Variants in SCARA5 observed in about 807,000 individuals in gnomAD.
SCARA5 encodes the protein scavenger receptor class A member 5.
SCARA5 carries 45 observed loss-of-function variants against 46.3 expected under a neutral mutation model. That is an observed-to-expected ratio of 0.97 (90% CI 0.76 to 1.24). The LOEUF is 1.24. Among genes scored for constraint, SCARA5 ranks in the 50% most tolerant of loss-of-function variants. The pLI, the probability that SCARA5 is intolerant of heterozygous loss-of-function variation, is 0.00. For synonymous variants in SCARA5, 333 were observed against 306.5 expected, an observed-to-expected ratio of 1.09 and a Z score of -0.90; for missense variants, 680 against 689.0, an observed-to-expected ratio of 0.99 and a Z score of 0.15.
intron 2 of SCARA5, among the ~76,000 whole-genome samples, chr8:27,978,193 A>ATT (rs34584740): frequency 0.027 from 3,711 of 137,920 alleles, 133 homozygotes; most frequent in African/African-American, 0.081. Context: ...CATCCGGCTA[A>ATT]TTTTTTTTTT....
intron 8 of SCARA5, among the ~76,000 whole-genome samples, chr8:27,876,905 G>A (rs1270692543): frequency 6.6e-6 from 1 of 152,118 alleles, no homozygotes; most frequent in Admixed American, 6.5e-5. Flanking sequence ...AGTGGGGTTG[G>A]GGCACCAGTG....
chr8:27,988,625 A>G (rs1278045803), intron 1 of SCARA5, among the ~76,000 whole-genome samples: 1 of 152,206 alleles, frequency 6.6e-6, no homozygotes, highest in Non-Finnish European at 1.5e-5. Context: ...TACATTCCTT[A>G]TGTAATGAGA....
intron 8 of SCARA5, among the ~76,000 whole-genome samples, chr8:27,876,783 G>C (rs1472708557): frequency 6.6e-6 from 1 of 152,076 alleles, no homozygotes; most frequent in African/African-American, 2.4e-5. Context: ...CGGGGTGTTG[G>C]GGGTGCTAGG....
chr8:27,927,733 G>T (rs1279680973), intron 3 of SCARA5, among the ~76,000 whole-genome samples: 2 of 151,936 alleles, frequency 1.3e-5, no homozygotes, highest in African/African-American at 4.8e-5. Flanking sequence ...GGATTAGTAG[G>T]TCAAAAGGCA....
intron 7 of SCARA5, among the ~76,000 whole-genome samples, chr8:27,898,019 GTC>G (rs1452443130): frequency 6.6e-6 from 1 of 152,212 alleles, no homozygotes; most frequent in Non-Finnish European, 1.5e-5. Flanking sequence ...CCCAGCTCTG[GTC>G]TCTCTCCCTC....
intron 3 of SCARA5, among the ~76,000 whole-genome samples, chr8:27,927,138 C>T (rs1332788212): frequency 6.6e-6 from 1 of 152,202 alleles, no homozygotes; most frequent in East Asian, 1.9e-4. Context: ...TCTTCCCCAG[C>T]TCTCCTAGCC....
At chr8:27,873,018 T>C (rs60701351) in intron 8 of SCARA5, among the ~76,000 whole-genome samples, 1,965 of 152,312 alleles carry the variant, frequency 0.013, 41 homozygotes, top group African/African-American at 0.043. Context: ...CTCTCTCTGC[T>C]CCTTGCACCA....
chr8:27,990,910 TC>T (rs1808778343), intron 1 of SCARA5, among the ~76,000 whole-genome samples: 1 of 152,250 alleles, frequency 6.6e-6, no homozygotes, highest in Admixed American at 6.5e-5. Flanking sequence ...CTCTTGGCAA[TC>T]ATGATTTACT....
chr8:27,968,130 G>A (rs549079185), intron 2 of SCARA5, among the ~76,000 whole-genome samples: 1 of 152,254 alleles, frequency 6.6e-6, no homozygotes, highest in South Asian at 2.1e-4. Flanking sequence ...GCCTCAGGAG[G>A]TTTTATGACC....
intron 7 of SCARA5, among the ~76,000 whole-genome samples, chr8:27,880,923 A>G (rs4732785): frequency 0.64 from 95,745 of 149,882 alleles, 31,331 homozygotes; most frequent in East Asian, 0.77. Context: ...AGATATACAA[A>G]CAGCCAGCAA....
intron 7 of SCARA5, among the ~76,000 whole-genome samples, chr8:27,893,757 C>A (rs1807021106): frequency 6.6e-6 from 1 of 152,238 alleles, no homozygotes; most frequent in Non-Finnish European, 1.5e-5. Context: ...TCTGATTATT[C>A]CCTACCTTAT....
intron 8 of SCARA5, among the ~76,000 whole-genome samples, chr8:27,873,761 C>T (rs1217575380): frequency 6.6e-6 from 1 of 152,328 alleles, no homozygotes; most frequent in South Asian, 2.1e-4. Context: ...ATGGCTCACG[C>T]CTGTAATCTC....
At chr8:27,944,950 G>C (rs1049072597) in intron 3 of SCARA5, among the ~76,000 whole-genome samples, 1 of 152,136 alleles carries the variant, frequency 6.6e-6, no homozygotes, top group Non-Finnish European at 1.5e-5. Flanking sequence ...TGGATGACTT[G>C]AACCCAGGAG....
chr8:27,909,540 G>A (rs571204300), intron 5 of SCARA5, 123 bp downstream of exon 5: 36 of 648,622 alleles, frequency 5.6e-5, no homozygotes, highest in Non-Finnish European at 7.8e-5. Flanking sequence ...GGAACAGAGC[G>A]TTTGAGGCGG....
chr8:27,916,204 T>A (rs1807457638), intron 4 of SCARA5, among the ~76,000 whole-genome samples: 1 of 152,228 alleles, frequency 6.6e-6, no homozygotes, highest in South Asian at 2.1e-4. Flanking sequence ...TCAGGAATAA[T>A]GTAAATAAGC....
At chr8:27,895,138 G>A (rs1269837975) in intron 7 of SCARA5, among the ~76,000 whole-genome samples, 1 of 152,214 alleles carries the variant, frequency 6.6e-6, no homozygotes, top group Non-Finnish European at 1.5e-5. Context: ...AAAGAAAGGA[G>A]GTTGTGGAGA....
intron 7 of SCARA5, chr8:27,904,434 T>G (rs1807217469): frequency 2.2e-6 from 1 of 462,352 alleles, no homozygotes; most frequent in African/African-American, 1.9e-5. Context: ...ATTTTCACAA[T>G]GACCTTATAA....
intron 2 of SCARA5, among the ~76,000 whole-genome samples, chr8:27,977,065 G>A (rs778137897): frequency 2.3e-4 from 35 of 152,158 alleles, no homozygotes; most frequent in Non-Finnish European, 4.0e-4. Flanking sequence ...CCAAGGCACC[G>A]GCAGATCAGG....
chr8:27,872,141 T>C, intron 8 of SCARA5, 71 bp from the exon 9 acceptor site: 1 of 1,550,332 alleles, frequency 6.5e-7, no homozygotes, highest in Non-Finnish European at 8.9e-7. Context: ...AGAGCATAAC[T>C]GTGCCTGCCC....
Sources: gnomAD v4.1 joint callset for allele counts (sites outside exome capture counted in the v4.1 genomes callset) on GRCh38, gnomAD v4.1.1 for gene constraint, MANE v1.5 for transcripts, NCBI Gene and HGNC (gene_info 2026-07-23, HGNC 2026-07-21) for gene names.